The following MACROD2 variants were observed in gnomAD, a reference collection of about 807,000 sequenced individuals.
MACROD2 encodes the protein mono-ADP ribosylhydrolase 2, also known as ADP-ribose glycohydrolase MACROD2.
A neutral mutation model predicts 70.4 loss-of-function variants in MACROD2; 36 were observed. The ratio of observed to expected loss-of-function variants is 0.51; its 90% CI spans 0.39 to 0.68. MACROD2 has a LOEUF of 0.68. Among genes scored for constraint, MACROD2 ranks in the 30% least tolerant of loss-of-function variants. MACROD2 has a pLI of 0.00. For missense variants in MACROD2, 496 were observed against 538.4 expected (o/e 0.92, Z 0.78); for synonymous variants, 172 against 178.8 (o/e 0.96, Z 0.30).
At chr20:14,194,928 C>T (rs921042004) in intron 3 of MACROD2, among the ~76,000 whole-genome samples, 8 of 152,090 alleles carry the variant, frequency 5.3e-5, no homozygotes, top group Admixed American at 4.6e-4. Flanking sequence ...ATTACCAAAT[C>T]TAACCTGCTT....
intron 8 of MACROD2, among the ~76,000 whole-genome samples, chr20:15,630,835 G>T (rs1209231407): frequency 1.3e-5 from 2 of 152,074 alleles, no homozygotes; most frequent in African/African-American, 4.8e-5. Flanking sequence ...TCTCAGCCTT[G>T]GTGTGAAGCC....
intron 6 of MACROD2, among the ~76,000 whole-genome samples, chr20:15,373,683 A>G (rs2045523780): frequency 6.6e-6 from 1 of 152,156 alleles, no homozygotes; most frequent in Non-Finnish European, 1.5e-5. Context: ...GATTACAGAC[A>G]TGAGCCACTG....
chr20:15,913,674 A>G (rs1233095309), intron 10 of MACROD2, among the ~76,000 whole-genome samples: 1 of 152,174 alleles, frequency 6.6e-6, no homozygotes, highest in African/African-American at 2.4e-5. Context: ...GTCCATTATT[A>G]CTGGCTGTTG....
At chr20:15,881,785 C>T (rs2064758315) in intron 9 of MACROD2, among the ~76,000 whole-genome samples, 1 of 152,080 alleles carries the variant, frequency 6.6e-6, no homozygotes, top group African/African-American at 2.4e-5. Context: ...TTAGGTTAAA[C>T]TATAAACTAA....
intron 9 of MACROD2, among the ~76,000 whole-genome samples, chr20:15,876,109 A>ATGTG (rs202176741): frequency 1.6e-5 from 2 of 124,466 alleles, no homozygotes; most frequent in African/African-American, 7.5e-5. Context: ...ATATATATAT[A>ATGTG]TATGTGTGTA....
At chr20:14,647,013 C>T (rs931856848) in intron 4 of MACROD2, among the ~76,000 whole-genome samples, 5 of 151,968 alleles carry the variant, frequency 3.3e-5, no homozygotes, top group African/African-American at 1.2e-4. Flanking sequence ...CTTGATGATC[C>T]GTCTGTTAAT....
intron 2 of MACROD2, among the ~76,000 whole-genome samples, chr20:14,025,180 A>G (rs915280947): frequency 6.6e-6 from 1 of 152,110 alleles, no homozygotes; most frequent in African/African-American, 2.4e-5. Context: ...GTATTCTGTG[A>G]TAGTAGTTTG....
intron 5 of MACROD2, among the ~76,000 whole-genome samples, chr20:14,947,975 A>G (rs182338117): frequency 3.9e-5 from 6 of 152,266 alleles, no homozygotes; most frequent in Non-Finnish European, 5.9e-5. Flanking sequence ...AAAACTTTCT[A>G]TCTTGTTTTT....
At chr20:15,141,680 G>A (rs2145847773) in intron 5 of MACROD2, among the ~76,000 whole-genome samples, 1 of 152,162 alleles carries the variant, frequency 6.6e-6, no homozygotes, top group Middle Eastern at 3.4e-3. Context: ...TACTTCTTCA[G>A]AATAAACCAC....
intron 3 of MACROD2, among the ~76,000 whole-genome samples, chr20:14,358,964 A>T (rs1221539016): frequency 6.6e-6 from 1 of 152,096 alleles, no homozygotes; most frequent in Non-Finnish European, 1.5e-5. Context: ...AGGAGGGAGG[A>T]TCGCTTGAGC....
intron 9 of MACROD2, among the ~76,000 whole-genome samples, chr20:15,866,276 G>A (rs6110803): frequency 0.62 from 94,101 of 151,916 alleles, 31,188 homozygotes; most frequent in Non-Finnish European, 0.75. Flanking sequence ...CATACCTACA[G>A]TCCCAGCTAC....
At chr20:15,249,704 T>G (rs2077137930) in intron 6 of MACROD2, among the ~76,000 whole-genome samples, 1 of 152,244 alleles carries the variant, frequency 6.6e-6, no homozygotes, top group Admixed American at 6.5e-5. Context: ...GCAACGTTCC[T>G]TTTCTTGATG....
intron 3 of MACROD2, chr20:14,323,643 G>A (rs2082689923): frequency 6.6e-6 from 1 of 152,080 alleles, no homozygotes; most frequent in African/African-American, 2.4e-5. Context: ...TTATCTTGAA[G>A]CTACCTAGGG....
intron 5 of MACROD2, among the ~76,000 whole-genome samples, chr20:14,800,591 G>A (rs948584911): frequency 5.3e-5 from 8 of 152,090 alleles, no homozygotes; most frequent in Admixed American, 3.9e-4. Flanking sequence ...ATATGTAAGC[G>A]TTCCACTGGG....
chr20:15,830,833 T>G (rs2064047800), intron 8 of MACROD2, among the ~76,000 whole-genome samples: 1 of 152,248 alleles, frequency 6.6e-6, no homozygotes, highest in South Asian at 2.1e-4. Flanking sequence ...ACCATACAAA[T>G]TTAAATGACT....
chr20:15,735,370 A>G (rs1277765152), intron 8 of MACROD2, among the ~76,000 whole-genome samples: 2 of 152,194 alleles, frequency 1.3e-5, no homozygotes, highest in Non-Finnish European at 2.9e-5. Flanking sequence ...TTGTTTTAGT[A>G]AAGATAAATT....
At chr20:14,547,663 A>C (rs1756002640) in intron 4 of MACROD2, 1 of 152,416 alleles carries the variant, frequency 6.6e-6, no homozygotes, top group African/African-American at 2.4e-5. Context: ...TTGTTGAATC[A>C]GTTATCTGTT....
intron 3 of MACROD2, among the ~76,000 whole-genome samples, chr20:14,112,934 G>C (rs766538297): frequency 6.6e-6 from 1 of 151,850 alleles, no homozygotes; most frequent in Non-Finnish European, 1.5e-5. Flanking sequence ...TTAACTTTGC[G>C]TTGGGTGAAT....
Position 16,001,001 on chromosome 20 carries a change from T to TA in MACROD2, c.1153+13844dup, listed in dbSNP as rs2066701515. The stretch of plus-strand genomic sequence containing the variant: ...TGTGATAGGTTTTGGATGACATACT[T>TA]ACTGCATTTGGATTTAGACTCAACC... On this transcript the variant is annotated intron_variant, in intron 15 of 17. Coordinates refer to ENST00000684519, the MANE Select transcript of MACROD2 (RefSeq NM_001351661.2). Among the ~76,000 whole-genome samples, 7 of 152,350 alleles carry TA rather than the reference T, an allele frequency of 4.6e-5. No homozygotes were observed. In the South Asian group the frequency reaches 1.4e-3, roughly 32 times the overall value.
Sources: allele counts gnomAD v4.1 joint callset (sites outside exome capture counted in the v4.1 genomes callset), GRCh38; gene constraint gnomAD v4.1.1; transcripts MANE v1.5; gene names NCBI Gene and HGNC (gene_info 2026-07-23, HGNC 2026-07-21).